TTC6: variants seen among roughly 807,000 people sequenced by gnomAD.
TTC6 encodes tetratricopeptide repeat protein 6.
A neutral mutation model predicts 210.4 loss-of-function variants in TTC6; 172 were observed. The observed-to-expected ratio is 0.82, with a 90% confidence interval of 0.72 to 0.93. The LOEUF (loss-of-function observed/expected upper bound fraction) is 0.93. TTC6 is among the 40% of genes least tolerant of loss of function. The pLI, the probability that TTC6 is intolerant of heterozygous loss-of-function variation, is 0.00. For synonymous variants in TTC6, 804 were observed against 819.6 expected (o/e 0.98, Z 0.32); for missense variants, 2,414 against 2,318.1 (o/e 1.04, Z -0.85).
At chr14:37,774,936 G>C (rs756184374) in intron 14 of TTC6, among the ~76,000 whole-genome samples, 1 of 151,920 alleles carries the variant, frequency 6.6e-6, no homozygotes, top group African/African-American at 2.4e-5. Context: ...GACTATTCAG[G>C]GTCAATTTGT....
chr14:37,654,279 CA>C (rs914689739), intron 1 of TTC6, among the ~76,000 whole-genome samples: 1 of 152,044 alleles, frequency 6.6e-6, no homozygotes, highest in African/African-American at 2.4e-5. Context: ...GTTTGTAACT[CA>C]AAGGATAAGT....
intron 25 of TTC6, among the ~76,000 whole-genome samples, chr14:37,815,619 G>T (rs1293967888): frequency 6.6e-6 from 1 of 151,942 alleles, no homozygotes; most frequent in African/African-American, 2.4e-5. Flanking sequence ...TATACCAGGG[G>T]TCCCCAACCC....
intron 25 of TTC6, among the ~76,000 whole-genome samples, chr14:37,817,226 C>A (rs551947682): frequency 9.9e-5 from 15 of 152,258 alleles, no homozygotes; most frequent in Admixed American, 2.0e-4. Flanking sequence ...CAGAGGAGTT[C>A]ACTGGGAATA....
chr14:37,719,359 C>A (rs1286688829), intron 6 of TTC6, among the ~76,000 whole-genome samples: 2 of 151,186 alleles, frequency 1.3e-5, no homozygotes, highest in Non-Finnish European at 2.9e-5. Flanking sequence ...CAAGAGTATT[C>A]TAAAGTTTGT....
At chr14:37,605,790 A>G (rs1176604312) in intron 1 of TTC6, among the ~76,000 whole-genome samples, 1 of 152,218 alleles carries the variant, frequency 6.6e-6, no homozygotes, top group Non-Finnish European at 1.5e-5. Flanking sequence ...TACTACCTCC[A>G]AGAAAAATAA....
chr14:37,815,645 G>T (rs1595305077), intron 25 of TTC6, among the ~76,000 whole-genome samples: 1 of 152,266 alleles, frequency 6.6e-6, no homozygotes, highest in African/African-American at 2.4e-5. Flanking sequence ...ATATAGAGCT[G>T]ATGGGAGAAG....
In TTC6 at chr14:37,650,165, C is replaced by T. The variant is rs114632455; in HGVS notation, c.939+27162C>T. Among the ~76,000 whole-genome samples, 421 of 152,262 alleles carry T rather than the reference C, an allele frequency of 2.8e-3. 1 individual carries two copies. The highest frequency in any genetic ancestry group is 9.8e-3 in the African/African-American group (406 of 41,552). On this transcript the variant is annotated intron_variant, in intron 1 of 30. Coordinates refer to ENST00000553443, the Ensembl canonical transcript of TTC6. ...TCCATTACCTGGCACAGGTGTGCCC[C>T]GGCAGAGGCGCTAAGTTGATCTTTT... is the stretch of plus-strand genomic sequence containing the variant.
chr14:37,807,778 G>A (rs2096121818), intron 23 of TTC6, among the ~76,000 whole-genome samples: 1 of 151,948 alleles, frequency 6.6e-6, no homozygotes, highest in Non-Finnish European at 1.5e-5. Context: ...GATAATTCCT[G>A]GGTGCATTTA....
At chr14:37,636,181 GTAACACCCTTCTT>G (rs2095680348) in intron 1 of TTC6, among the ~76,000 whole-genome samples, 1 of 152,014 alleles carries the variant, frequency 6.6e-6, no homozygotes, top group African/African-American at 2.4e-5. Context: ...TTAAAAACGC[GTAACACCCTTCTT>G]TCAGCAATTG....
intron 14 of TTC6, among the ~76,000 whole-genome samples, chr14:37,765,325 A>ATT (rs967504305): frequency 1.3e-4 from 17 of 132,942 alleles, no homozygotes; most frequent in East Asian, 4.3e-4. Context: ...ACCACACCTA[A>ATT]TTTTTTTTTT....
exon 10 of TTC6, chr14:37,738,784 ATCT>A: frequency 2.0e-6 from 3 of 1,479,164 alleles, no homozygotes; most frequent in South Asian, 2.7e-5. Context: ...AGCGAGTAAA[ATCT>A]TCTGTAGACT....
intron 7 of TTC6, among the ~76,000 whole-genome samples, chr14:37,732,173 CTTTTTTTTTTTT>C (rs61444309): frequency 3.5e-5 from 2 of 57,590 alleles, no homozygotes; most frequent in Non-Finnish European, 5.9e-5. Flanking sequence ...GTACTGTATT[CTTTTTTTTTTTT>C]TTTTTTTTTT....
chr14:37,677,869 A>G (rs1434284671), intron 1 of TTC6, among the ~76,000 whole-genome samples: 1 of 152,060 alleles, frequency 6.6e-6, no homozygotes, highest in East Asian at 1.9e-4. Context: ...CTATCTATAG[A>G]TGTCACATTT....
chr14:37,619,395 A>G (rs984121687), upstream of TTC6, among the ~76,000 whole-genome samples: 7 of 152,212 alleles, frequency 4.6e-5, no homozygotes, highest in Non-Finnish European at 8.8e-5. Context: ...AATAATTACA[A>G]TTATAAAGAT....
intron 3 of TTC6, among the ~76,000 whole-genome samples, chr14:37,691,281 G>A (rs1037416110): frequency 6.6e-6 from 1 of 152,142 alleles, no homozygotes; most frequent in Non-Finnish European, 1.5e-5. Context: ...GGTGAGCCGA[G>A]ATTGTGCCAC....
At chr14:37,646,125 A>G (rs1274104685) in intron 1 of TTC6, among the ~76,000 whole-genome samples, 1 of 152,214 alleles carries the variant, frequency 6.6e-6, no homozygotes. Flanking sequence ...TGCAATTGGC[A>G]CTATAATACA....
chr14:37,817,639 T>G, exon 26 of TTC6: 2 of 1,614,030 alleles, frequency 1.2e-6, no homozygotes, highest in Non-Finnish European at 1.7e-6. Context: ...GCCACTGCCA[T>G]GTGCCATCAC....
intron 1 of TTC6, among the ~76,000 whole-genome samples, chr14:37,626,415 G>C (rs556105870): frequency 6.6e-6 from 1 of 152,138 alleles, no homozygotes; most frequent in South Asian, 2.1e-4. Flanking sequence ...CATAGTCCAA[G>C]GTCTCCCATA....
At chr14:37,837,635 C>T (rs78940765) in intron 29 of TTC6, 3,634 of 224,746 alleles carry the variant, frequency 0.016, 131 homozygotes, top group African/African-American at 0.079. Context: ...ATATTGTTCT[C>T]AGTATGTTAC....
Sources: gnomAD v4.1 joint callset for allele counts (sites outside exome capture counted in the v4.1 genomes callset) on GRCh38, gnomAD v4.1.1 for gene constraint, MANE v1.5 for transcripts, NCBI Gene and HGNC (gene_info 2026-07-23, HGNC 2026-07-21) for gene names.